HS3ST5: variants seen among roughly 807,000 people sequenced by gnomAD.
HS3ST5 encodes the protein heparan sulfate glucosamine 3-O-sulfotransferase 5.
Under a neutral mutation model 25.4 loss-of-function variants are expected in HS3ST5, and 10 were observed. The observed-to-expected ratio is 0.39, with a 90% confidence interval of 0.24 to 0.67. The LOEUF is 0.67. Among genes scored for constraint, HS3ST5 ranks in the 30% least tolerant of loss-of-function variants. HS3ST5 has a pLI of 0.44. For synonymous variants in HS3ST5, 170 were observed against 162.4 expected, an observed-to-expected ratio of 1.05 and a Z score of -0.36; for missense variants, 324 against 420.7, an observed-to-expected ratio of 0.77 and a Z score of 2.01.
At chr6:114,316,594 GT>G (rs1269995282) in intron 1 of HS3ST5, among the ~76,000 whole-genome samples, 2 of 151,940 alleles carry the variant, frequency 1.3e-5, no homozygotes, top group Non-Finnish European at 2.9e-5. Context: ...GATCCAAAAA[GT>G]GAAAAAAAAT....
rs1772768676 is a variant in HS3ST5, at chr6:114,056,304, C to T, written c.*953G>A. The T allele has an allele frequency of 1.3e-5, 2 of 152,036 alleles. No homozygotes were observed. Among genetic ancestry groups the T allele is most frequent in the South Asian group, 4.1e-4 (2 of 4,828 alleles). The allele number at this position is 152,036 out of a possible 1,614,324, so 9.4% of individuals were successfully genotyped here. ...TGAGGTTTTTCTTTTTTAATATACT[C>T]AACCTCACTTCATAAATACATTTTC... is the stretch of plus-strand genomic sequence containing the variant. On this transcript the variant is annotated 3_prime_UTR_variant, in exon 5 of 5. Transcript: ENST00000312719.
intron 1 of HS3ST5, among the ~76,000 whole-genome samples, chr6:114,280,556 C>T (rs978277705): frequency 5.2e-4 from 79 of 152,148 alleles, no homozygotes; most frequent in African/African-American, 1.8e-3. Context: ...ACGATGGTTA[C>T]TGAATGTTAA....
In HS3ST5 at chr6:114,057,363, A is replaced by T. The variant is rs764901769; in HGVS notation, c.935T>A (p.Ile312Asn). Residue 312 changes from isoleucine to asparagine, a missense_variant, in exon 5 of 5, where the codon ATT becomes AAT. By Grantham distance (149) the Ile-to-Asn change is moderately radical. Coordinates refer to ENST00000312719, the MANE Select transcript of HS3ST5 (RefSeq NM_153612.4). ...NKCLAGSKGR[I>N]HPEVDPSVIT... is the part of the protein sequence containing the mutation. ...GACAGAGGGGTCCACCTCTGGATGA[A>T]TGCGCCCCTTGCTGCCCGCCAGGCA... 19 of 1,613,962 alleles carry T rather than the reference A, an allele frequency of 1.2e-5. No homozygotes were observed. Among genetic ancestry groups the T allele is most frequent in the Admixed American group, 5.0e-5 (3 of 59,998 alleles).
In HS3ST5 at chr6:114,341,221, G is replaced by GA. The variant is rs1284759743; in HGVS notation, c.-339+973_-339+974insT. Among the ~76,000 whole-genome samples the GA allele has an allele frequency of 9.9e-3, 1,241 of 125,484 alleles. 78 individuals are homozygous for GA. The highest frequency in any genetic ancestry group is 0.038 in the African/African-American group (1,177 of 30,950). The allele number at this position is 125,484 out of a possible 152,430, so 82.3% of individuals were successfully genotyped here. A position where few individuals can be genotyped will look rare whatever the true frequency, so the allele number is the denominator to read the frequency against. ...GAGGGAGAGGGAATAGGGAGAGAGG[G>GA]GGAGAGAGAGAGAGAGAGAGAGAGA... is the stretch of plus-strand genomic sequence containing the variant. On this transcript the variant is annotated intron_variant, in intron 1 of 4. Coordinates refer to ENST00000312719, the MANE Select transcript of HS3ST5 (RefSeq NM_153612.4).
intron 2 of HS3ST5, among the ~76,000 whole-genome samples, chr6:114,200,122 C>A (rs1780945359): frequency 6.6e-6 from 1 of 152,150 alleles, no homozygotes; most frequent in Non-Finnish European, 1.5e-5. Context: ...GAGGCTGAGG[C>A]AGGAGAATCC....
chr6:114,282,512 T>C (rs529922838), intron 1 of HS3ST5, among the ~76,000 whole-genome samples: 13 of 152,148 alleles, frequency 8.5e-5, no homozygotes, highest in South Asian at 2.1e-4. Context: ...TGTCGGAGGA[T>C]ACAGCTGCCT....
intron 1 of HS3ST5, among the ~76,000 whole-genome samples, chr6:114,286,945 A>C (rs1774365870): frequency 6.6e-6 from 1 of 151,964 alleles, no homozygotes; most frequent in African/African-American, 2.4e-5. Flanking sequence ...ATTAAGAAGA[A>C]AGGTAAAAAT....
Position 114,057,605 on chromosome 6 carries a change from G to T in HS3ST5, c.693C>A (p.Thr231=). ...EVNTKYKAVR[T]SIYTKHLERW... is the part of the protein sequence containing the mutation. ...TTTCCAGATGTTTGGTGTAGATGCT[G>T]GTTCTTACTGCTTTGTATTTTGTGT... Residue 231 remains threonine (T), a synonymous_variant, in exon 5 of 5, where the codon ACC becomes ACA. Coordinates refer to ENST00000312719, the MANE Select transcript of HS3ST5 (RefSeq NM_153612.4). 6.2e-7 allele frequency: 1 copy of T among 1,614,140 alleles called. No homozygotes were observed. The highest frequency in any genetic ancestry group is 8.5e-7 in the Non-Finnish European group (1 of 1,180,024).
intron 2 of HS3ST5, among the ~76,000 whole-genome samples, chr6:114,213,146 C>T (rs569822922): frequency 9.2e-5 from 14 of 152,064 alleles, no homozygotes; most frequent in Admixed American, 6.5e-4. Flanking sequence ...CCCTGGAGTT[C>T]GGCCATCCCT....
intron 1 of HS3ST5, among the ~76,000 whole-genome samples, chr6:114,301,399 G>T (rs938450347): frequency 1.3e-5 from 2 of 152,102 alleles, no homozygotes; most frequent in African/African-American, 2.4e-5. Flanking sequence ...TCTCAGTTGT[G>T]GATCCACTGT....
At chr6:114,133,148 T>A (rs1052534723) in intron 3 of HS3ST5, among the ~76,000 whole-genome samples, 1 of 152,142 alleles carries the variant, frequency 6.6e-6, no homozygotes, top group African/African-American at 2.4e-5. Context: ...CTTGCACAGA[T>A]CTCATCATTC....
intron 3 of HS3ST5, among the ~76,000 whole-genome samples, chr6:114,070,849 A>G (rs1773777917): frequency 6.6e-6 from 1 of 152,150 alleles, no homozygotes; most frequent in South Asian, 2.1e-4. Context: ...ATCACTTGTG[A>G]CTGCCTTAGT....
intron 3 of HS3ST5, among the ~76,000 whole-genome samples, chr6:114,160,273 G>A (rs1234309628): frequency 6.6e-6 from 1 of 151,954 alleles, no homozygotes; most frequent in Admixed American, 6.6e-5. Flanking sequence ...GGTTAAATAG[G>A]AAATTACTAA....
intron 1 of HS3ST5, among the ~76,000 whole-genome samples, chr6:114,305,626 T>C (rs867838682): frequency 2.6e-5 from 4 of 152,142 alleles, no homozygotes; most frequent in Admixed American, 6.5e-5. Flanking sequence ...TGCTCAAAAG[T>C]TGAGATTTTT....
At chr6:114,193,370 G>A (rs1315122361) in intron 2 of HS3ST5, among the ~76,000 whole-genome samples, 1 of 152,194 alleles carries the variant, frequency 6.6e-6, no homozygotes, top group African/African-American at 2.4e-5. Flanking sequence ...TATGTAGCAA[G>A]CCAAAAGATG....
At chr6:114,152,709 C>T (rs979415389) in intron 3 of HS3ST5, among the ~76,000 whole-genome samples, 20 of 152,154 alleles carry the variant, frequency 1.3e-4, no homozygotes, top group African/African-American at 4.6e-4. Flanking sequence ...CGCCTGGACA[C>T]ATTTTCTCTT....
chr6:114,219,469 C>G (rs1364782618), intron 2 of HS3ST5, among the ~76,000 whole-genome samples: 2 of 152,022 alleles, frequency 1.3e-5, no homozygotes, highest in Non-Finnish European at 2.9e-5. Flanking sequence ...AAATCACATA[C>G]ATATTCATGG....
At chr6:114,279,690 GA>G (rs1774018982) in intron 1 of HS3ST5, among the ~76,000 whole-genome samples, 1 of 151,978 alleles carries the variant, frequency 6.6e-6, no homozygotes. Context: ...ACCTTGAAAG[GA>G]AGGAGCAGAA....
At chr6:114,103,134 G>C (rs1158939536) in intron 3 of HS3ST5, among the ~76,000 whole-genome samples, 3 of 152,056 alleles carry the variant, frequency 2.0e-5, no homozygotes, top group African/African-American at 4.8e-5. Context: ...TGCATTTTAA[G>C]GCCTTCTTCT....
Sources: gnomAD v4.1 joint callset for allele counts (sites outside exome capture counted in the v4.1 genomes callset) on GRCh38, gnomAD v4.1.1 for gene constraint, MANE v1.5 for transcripts, NCBI Gene and HGNC (gene_info 2026-07-23, HGNC 2026-07-21) for gene names.